Variants in EXOC5 observed in about 807,000 individuals in gnomAD.
EXOC5 encodes the protein SEC10-like 1.
A neutral mutation model predicts 90.8 loss-of-function variants in EXOC5; 17 were observed. The observed-to-expected ratio is 0.19, with a 90% confidence interval of 0.13 to 0.28. The LOEUF (loss-of-function observed/expected upper bound fraction) is 0.28, where lower values mean the gene tolerates loss of function less well. EXOC5 is among the 10% of genes least tolerant of loss of function. The pLI, the probability that EXOC5 is intolerant of heterozygous loss-of-function variation, is 1.00. For synonymous variants in EXOC5, 260 were observed against 270.0 expected (o/e 0.96, Z 0.36); for missense variants, 569 against 830.6 (o/e 0.69, Z 3.87).
At position 57,207,272 on chromosome 14, in the gene EXOC5, G is replaced by A. The variant is rs998895526; in HGVS notation, c.*1337C>T. ...AAGAAAAGCAGTTTTCCAAAAATAGGCTAAAAAGCCTATATTAAAGAAAAA... is the reference window on the plus strand; with the variant it reads ...AAGAAAAGCAGTTTTCCAAAAATAGACTAAAAAGCCTATATTAAAGAAAAA... On this transcript the variant is annotated 3_prime_UTR_variant, in exon 18 of 18. Coordinates refer to ENST00000621441, the MANE Select transcript of EXOC5 (RefSeq NM_006544.4). 2 of 152,288 alleles carry A rather than the reference G, an allele frequency of 1.3e-5. No homozygotes were observed. The highest frequency in any genetic ancestry group is 4.8e-5 in the African/African-American group (2 of 41,356). 9.4% of individuals were successfully genotyped at this position (152,288 alleles called of 1,614,324 possible).
At chr14:57,246,963 C>A in intron 2 of EXOC5, 105 bp from the exon 3 acceptor site, 1 of 617,160 alleles carries the variant, frequency 1.6e-6, no homozygotes. Context: ...GTTCCTTGAG[C>A]TTGAAATGAT....
chr14:57,238,570 A>G (rs1461890012), intron 5 of EXOC5, among the ~76,000 whole-genome samples: 26 of 151,768 alleles, frequency 1.7e-4, no homozygotes, highest in Admixed American at 1.7e-3. Flanking sequence ...GAAATGACAT[A>G]AAGTTAAAGA....
At chr14:57,244,933 T>G (rs1390841348) in intron 3 of EXOC5, among the ~76,000 whole-genome samples, 7 of 151,450 alleles carry the variant, frequency 4.6e-5, no homozygotes. Flanking sequence ...GAGGCAGAGG[T>G]TGCAGTGAGC....
At chr14:57,265,357 A>G (rs977614121) in intron 1 of EXOC5, among the ~76,000 whole-genome samples, 3 of 152,126 alleles carry the variant, frequency 2.0e-5, no homozygotes, top group African/African-American at 7.2e-5. Context: ...ATTATGGGGG[A>G]AAAAATTAAG....
At position 57,207,849 on chromosome 14, in the gene EXOC5, T is replaced by C. The variant is rs1403703660; in HGVS notation, c.*760A>G. ...TTAAGGTCCTCCACCTTAAGTGAAATACAAAATAAGGTAGTTTTATTAATT... is the reference window on the plus strand; with the variant it reads ...TTAAGGTCCTCCACCTTAAGTGAAACACAAAATAAGGTAGTTTTATTAATT... On this transcript the variant is annotated 3_prime_UTR_variant, in exon 18 of 18. Transcript: ENST00000621441. 2 of 152,106 alleles carry C rather than the reference T, an allele frequency of 1.3e-5. No homozygotes were observed. The highest frequency in any genetic ancestry group is 2.9e-5 in the Non-Finnish European group (2 of 67,986). The allele number at this position is 152,106 out of a possible 1,614,324, so 9.4% of individuals were successfully genotyped here.
chr14:57,260,013 G>A (rs941848410), intron 1 of EXOC5, among the ~76,000 whole-genome samples: 3 of 152,028 alleles, frequency 2.0e-5, no homozygotes, highest in African/African-American at 7.3e-5. Flanking sequence ...ATAAAGAACA[G>A]GCATTACATG....
chr14:57,240,580 C>T (rs553188177), intron 4 of EXOC5, among the ~76,000 whole-genome samples: 1 of 151,968 alleles, frequency 6.6e-6, no homozygotes, highest in Admixed American at 6.6e-5. Context: ...CCGAGCCCAG[C>T]CAGAAATGTG....
intron 2 of EXOC5, among the ~76,000 whole-genome samples, chr14:57,247,266 T>C (rs1884058900): frequency 6.6e-6 from 1 of 152,168 alleles, no homozygotes; most frequent in African/African-American, 2.4e-5. Context: ...ATAATATACA[T>C]TCCAGAGTTC....
At chr14:57,221,146 TA>T (rs1883126668) in intron 13 of EXOC5, among the ~76,000 whole-genome samples, 1 of 152,136 alleles carries the variant, frequency 6.6e-6, no homozygotes, top group African/African-American at 2.4e-5. Flanking sequence ...TCTGAGAAGA[TA>T]ACATCTTAGT....
chr14:57,202,337 G>C lies in EXOC5; in HGVS notation c.*6272C>G, dbSNP rs1882532149. 1 of 152,172 alleles carries C rather than the reference G, an allele frequency of 6.6e-6. No homozygotes were observed. Among genetic ancestry groups the C allele is most frequent in the South Asian group, 2.1e-4 (1 of 4,828 alleles). The allele number at this position is 152,172 out of a possible 1,614,324, so 9.4% of individuals were successfully genotyped here. On this transcript the variant is annotated 3_prime_UTR_variant, in exon 18 of 18. Coordinates refer to ENST00000621441, the MANE Select transcript of EXOC5 (RefSeq NM_006544.4). The stretch of plus-strand genomic sequence containing the variant: ...AAGGAATTAGGACAGCTAGTAAAAT[G>C]ATTGGTGTCTGAGGATTAGATAGTA...
intron 11 of EXOC5, 62 bp downstream of exon 11, chr14:57,231,444 C>A: frequency 8.7e-7 from 1 of 1,143,768 alleles, no homozygotes. Context: ...ATAATTTGCC[C>A]AAATATAATG....
rs1027017839 is a variant in EXOC5 at position 57,268,864 on chromosome 14, G to T, written c.-216C>A. On this transcript the variant is annotated 5_prime_UTR_variant, in exon 1 of 18. Transcript: ENST00000621441. Reference sequence around the variant, plus strand: ...TCAGCTGCCTCCCGGCGCCGCCCGCGCTGCTCCCATTGTCACCGCCTCATA... The same window carrying T: ...TCAGCTGCCTCCCGGCGCCGCCCGCTCTGCTCCCATTGTCACCGCCTCATA... 3.1e-6 allele frequency: 4 copies of T among 1,280,164 alleles called. No individual in the cohort carries two copies. The highest frequency in any genetic ancestry group is 2.8e-4 in the Middle Eastern group (1 of 3,580). 79.3% of individuals were successfully genotyped at this position (1,280,164 alleles called of 1,614,324 possible).
intron 14 of EXOC5, 57 bp from the exon 15 acceptor site, chr14:57,218,125 A>AGG (rs1300425824): frequency 2.4e-6 from 2 of 816,398 alleles, no homozygotes; most frequent in Non-Finnish European, 4.1e-6. Context: ...ATTTTCTAAA[A>AGG]GTTTTTCATA....
At chr14:57,256,750 T>A (rs1884359633) in intron 1 of EXOC5, among the ~76,000 whole-genome samples, 1 of 152,152 alleles carries the variant, frequency 6.6e-6, no homozygotes. Flanking sequence ...GTCATGTCTT[T>A]CCCAATGTGA....
intron 12 of EXOC5, among the ~76,000 whole-genome samples, chr14:57,225,897 C>A (rs917136652): frequency 2.6e-5 from 4 of 152,280 alleles, no homozygotes; most frequent in African/African-American, 9.6e-5. Flanking sequence ...AGGTTACAGG[C>A]AGATAAGAGA....
intron 2 of EXOC5, 53 bp from the exon 3 acceptor site, chr14:57,246,911 G>A (rs1220707196): frequency 9.8e-7 from 1 of 1,024,990 alleles, no homozygotes; most frequent in Non-Finnish European, 1.4e-6. Context: ...TAATCCTTAG[G>A]AACTGACCAG....
intron 1 of EXOC5, among the ~76,000 whole-genome samples, chr14:57,250,313 A>G (rs1222894522): frequency 6.6e-6 from 1 of 152,144 alleles, no homozygotes; most frequent in Non-Finnish European, 1.5e-5. Flanking sequence ...AGTTTATACC[A>G]AAGTCTTATA....
Position 57,208,521 on chromosome 14 carries a change from C to T in EXOC5, c.*88G>A. On this transcript the variant is annotated 3_prime_UTR_variant, in exon 18 of 18. Coordinates refer to ENST00000621441, the MANE Select transcript of EXOC5 (RefSeq NM_006544.4). Reference sequence around the variant, plus strand: ...ATGTTGGCTGTGTCATAAGGTATCTCCTGTGCTTTCTATCAACCGAGGGCT... The same window carrying T: ...ATGTTGGCTGTGTCATAAGGTATCTTCTGTGCTTTCTATCAACCGAGGGCT... 1.1e-6 allele frequency: 1 copy of T among 896,084 alleles called. No individual in the cohort carries two copies. The highest frequency in any genetic ancestry group is 1.9e-5 in the South Asian group (1 of 53,856). The allele number at this position is 896,084 out of a possible 1,614,324, so 55.5% of individuals were successfully genotyped here.
chr14:57,245,218 T>C (rs1034452687), intron 3 of EXOC5, among the ~76,000 whole-genome samples: 1 of 152,162 alleles, frequency 6.6e-6, no homozygotes, highest in African/African-American at 2.4e-5. Flanking sequence ...ATGCAATGAA[T>C]GCCTTGTAAT....
Sources: allele counts gnomAD v4.1 joint callset (sites outside exome capture counted in the v4.1 genomes callset), GRCh38; gene constraint gnomAD v4.1.1; transcripts MANE v1.5; gene names NCBI Gene and HGNC (gene_info 2026-07-23, HGNC 2026-07-21).